Variants in HRH1 observed in about 807,000 individuals in gnomAD.
The protein encoded by HRH1 is histamine H1 receptor.
HRH1 carries 6 observed loss-of-function variants against 10.3 expected under a neutral mutation model. That is an observed-to-expected ratio of 0.58 (90% confidence interval 0.32 to 1.15). The LOEUF (loss-of-function observed/expected upper bound fraction) is 1.15, where lower values mean the gene tolerates loss of function less well. HRH1 is among the 50% of genes most tolerant of loss of function. The pLI, the probability that HRH1 is intolerant of heterozygous loss-of-function variation, is 0.05. For missense variants in HRH1, 514 were observed against 615.3 expected (o/e 0.84, Z 1.74); for synonymous variants, 242 against 236.7 (o/e 1.02, Z -0.21).
At chr3:11,182,397 G>C (rs1333433458) in intron 1 of HRH1, among the ~76,000 whole-genome samples, 1 of 152,200 alleles carries the variant, frequency 6.6e-6, no homozygotes, top group East Asian at 1.9e-4. Context: ...TAATGGGCCT[G>C]ACATACATCA....
chr3:11,166,622 C>T (rs1010045215), intron 1 of HRH1, among the ~76,000 whole-genome samples: 4 of 150,706 alleles, frequency 2.7e-5, no homozygotes, highest in Non-Finnish European at 4.4e-5. Context: ...AGGCCCATGA[C>T]ATCTGCTGTC....
At chr3:11,212,386 T>C (rs1938357280) in intron 1 of HRH1, among the ~76,000 whole-genome samples, 2 of 152,178 alleles carry the variant, frequency 1.3e-5, no homozygotes, top group African/African-American at 4.8e-5. Context: ...ATTGCAGACG[T>C]TGGCTTTTTC....
At chr3:11,149,117 T>C (rs1352436999) in intron 1 of HRH1, among the ~76,000 whole-genome samples, 2 of 152,232 alleles carry the variant, frequency 1.3e-5, no homozygotes, top group African/African-American at 4.8e-5. Context: ...GAAATAAATT[T>C]AAATGTTCTT....
intron 1 of HRH1, among the ~76,000 whole-genome samples, chr3:11,232,919 T>C (rs1254278095): frequency 6.6e-6 from 1 of 152,256 alleles, no homozygotes; most frequent in Non-Finnish European, 1.5e-5. Context: ...GACAGCTCTT[T>C]TCTTTCAGCA....
chr3:11,211,810 C>A (rs1334360113), intron 1 of HRH1, among the ~76,000 whole-genome samples: 1 of 152,190 alleles, frequency 6.6e-6, no homozygotes, highest in African/African-American at 2.4e-5. Context: ...TCACTTCATC[C>A]TTTAAGCATA....
chr3:11,198,701 C>T (rs1041365285), intron 1 of HRH1, among the ~76,000 whole-genome samples: 41 of 148,200 alleles, frequency 2.8e-4, no homozygotes, highest in Non-Finnish European at 3.4e-4. Context: ...TGCATCACTG[C>T]ACTCCAGCCT....
chr3:11,163,741 G>A (rs1049757064), intron 1 of HRH1, among the ~76,000 whole-genome samples: 2 of 152,060 alleles, frequency 1.3e-5, no homozygotes, highest in Non-Finnish European at 1.5e-5. Flanking sequence ...AGGTCACATC[G>A]ATGCCTAAGA....
chr3:11,153,660 C>G (rs960926622), upstream of HRH1, among the ~76,000 whole-genome samples: 1 of 152,110 alleles, frequency 6.6e-6, no homozygotes, highest in Non-Finnish European at 1.5e-5. Context: ...AAACCTCGAC[C>G]TCTCTCTCCC....
intron 1 of HRH1, among the ~76,000 whole-genome samples, chr3:11,176,747 C>T (rs1339637615): frequency 6.6e-6 from 1 of 152,194 alleles, no homozygotes; most frequent in Non-Finnish European, 1.5e-5. Context: ...TAATAGAATT[C>T]GAACAGGACT....
intron 1 of HRH1, among the ~76,000 whole-genome samples, chr3:11,195,064 A>G (rs889084532): frequency 1.3e-5 from 2 of 152,036 alleles, no homozygotes; most frequent in Non-Finnish European, 2.9e-5. Context: ...GAGGAGCACT[A>G]CCCCCTTCTT....
At chr3:11,193,434 G>T (rs1937586826) in intron 1 of HRH1, among the ~76,000 whole-genome samples, 1 of 152,154 alleles carries the variant, frequency 6.6e-6, no homozygotes, top group African/African-American at 2.4e-5. Flanking sequence ...CATAAACTAG[G>T]TGGCTTATAA....
intron 1 of HRH1, among the ~76,000 whole-genome samples, chr3:11,240,691 G>A (rs1344469674): frequency 2.6e-5 from 4 of 152,114 alleles, no homozygotes; most frequent in Non-Finnish European, 5.9e-5. Flanking sequence ...GTAATACTAG[G>A]CCCATAATGG....
chr3:11,199,096 A>G (rs1294553311), intron 1 of HRH1, among the ~76,000 whole-genome samples: 1 of 151,836 alleles, frequency 6.6e-6, no homozygotes, highest in Non-Finnish European at 1.5e-5. Flanking sequence ...GCTAATTTTT[A>G]TATTTTTAGC....
At chr3:11,162,877 G>T (rs1936952845) in intron 1 of HRH1, among the ~76,000 whole-genome samples, 1 of 152,094 alleles carries the variant, frequency 6.6e-6, no homozygotes, top group South Asian at 2.1e-4. Flanking sequence ...TTTGTTTTTT[G>T]TAAAATAGAC....
chr3:11,220,415 G>T (rs1938669627), intron 1 of HRH1, among the ~76,000 whole-genome samples: 1 of 152,182 alleles, frequency 6.6e-6, no homozygotes, highest in East Asian at 1.9e-4. Flanking sequence ...GCAGTGTCCT[G>T]TTTGTTGGTA....
At chr3:11,229,337 G>T (rs933615680) in intron 1 of HRH1, among the ~76,000 whole-genome samples, 1 of 152,192 alleles carries the variant, frequency 6.6e-6, no homozygotes, top group Non-Finnish European at 1.5e-5. Context: ...GGGACAGCAA[G>T]TTCATTTTTG....
intron 1 of HRH1, among the ~76,000 whole-genome samples, chr3:11,214,840 T>G (rs1230311860): frequency 6.6e-6 from 1 of 152,218 alleles, no homozygotes; most frequent in Non-Finnish European, 1.5e-5. Flanking sequence ...GTTCTGATAC[T>G]ACAGTGTGGA....
intron 1 of HRH1, among the ~76,000 whole-genome samples, chr3:11,161,764 G>A (rs1936927752): frequency 6.6e-6 from 1 of 152,164 alleles, no homozygotes; most frequent in Non-Finnish European, 1.5e-5. Flanking sequence ...TTTTTCAGTT[G>A]TTTATTGATT....
intron 1 of HRH1, among the ~76,000 whole-genome samples, chr3:11,253,958 T>G (rs1559286884): frequency 6.6e-6 from 1 of 152,112 alleles, no homozygotes. Flanking sequence ...TGGCAGCTGC[T>G]TGGGGGAGAG....
Sources: gnomAD v4.1 joint callset for allele counts (sites outside exome capture counted in the v4.1 genomes callset) on GRCh38, gnomAD v4.1.1 for gene constraint, MANE v1.5 for transcripts, NCBI Gene and HGNC (gene_info 2026-07-23, HGNC 2026-07-21) for gene names.